Variants in GPC3 observed in about 807,000 individuals in gnomAD.
GPC3 encodes glypican-3.
In GPC3, 3 loss-of-function variants were observed where a neutral mutation model predicts 34.4. The ratio of observed to expected loss-of-function variants is 0.09; its 90% CI spans 0.04 to 0.23. GPC3 has a LOEUF of 0.23. Ranked by LOEUF, GPC3 falls within the 10% of genes least tolerant of loss-of-function variation. The pLI is 1.00. For synonymous variants in GPC3, 177 were observed against 174.0 expected, an observed-to-expected ratio of 1.02 and a Z score of -0.13; for missense variants, 351 against 445.6, an observed-to-expected ratio of 0.79 and a Z score of 1.91.
chrX:133,593,330 C>CAA (rs756083308), intron 7 of GPC3, among the ~76,000 whole-genome samples: 29 of 9,784 alleles, frequency 3.0e-3, no homozygotes, highest in East Asian at 0.011. Flanking sequence ...GAGACTGTCT[C>CAA]AAAAAAAAAA....
chrX:133,891,616 A>C (rs1448048682), intron 2 of GPC3, among the ~76,000 whole-genome samples: 1 of 106,996 alleles, frequency 9.3e-6, no homozygotes, highest in Non-Finnish European at 1.9e-5. Context: ...AAAAGTAAAA[A>C]TAAATAAATA....
intron 5 of GPC3, among the ~76,000 whole-genome samples, chrX:133,673,592 T>C (rs780162075): frequency 8.9e-6 from 1 of 112,373 alleles, no homozygotes; most frequent in Non-Finnish European, 1.9e-5. Context: ...AAGTACATAA[T>C]ACATTTTAGG....
In GPC3 at chrX:133,694,868, C is replaced by T. The variant is rs779393531; in HGVS notation, c.1167-2374G>A. 1.5e-4 allele frequency among the ~76,000 whole-genome samples: 17 copies of T among 110,431 alleles called. 1 individual carries two copies. The highest frequency in any genetic ancestry group is 2.8e-4 in the East Asian group (1 of 3,533). ...ATTTGAAGAAGATCAAGATGAGGTTCGATCTAAATGTCAAGAGCATGAGGG... is the reference window on the plus strand; with the variant it reads ...ATTTGAAGAAGATCAAGATGAGGTTTGATCTAAATGTCAAGAGCATGAGGG... On this transcript the variant is annotated intron_variant, in intron 4 of 7. Coordinates refer to ENST00000370818, the MANE Select transcript of GPC3 (RefSeq NM_004484.4).
At chrX:133,607,595 C>CCAGG (rs2124343864) in intron 6 of GPC3, among the ~76,000 whole-genome samples, 1 of 112,005 alleles carries the variant, frequency 8.9e-6, no homozygotes, top group East Asian at 2.8e-4. Context: ...TTTTTCCAAC[C>CCAGG]TCTGTCCCTT....
At chrX:133,711,393 C>G (rs1281380708) in intron 3 of GPC3, among the ~76,000 whole-genome samples, 1 of 111,657 alleles carries the variant, frequency 9.0e-6, no homozygotes, top group Non-Finnish European at 1.9e-5. Context: ...GCATCAATAC[C>G]ATCTGGGCAC....
At chrX:133,605,172 TGGGG>T (rs112241052) in intron 6 of GPC3, among the ~76,000 whole-genome samples, 1 of 95,982 alleles carries the variant, frequency 1.0e-5, no homozygotes, top group Non-Finnish European at 2.1e-5. Flanking sequence ...ACTTCACACG[TGGGG>T]GGGGGGCAAT....
intron 2 of GPC3, among the ~76,000 whole-genome samples, chrX:133,832,964 TC>T (rs1417518078): frequency 8.9e-6 from 1 of 112,374 alleles, no homozygotes; most frequent in African/African-American, 3.2e-5. Flanking sequence ...ACAAAATCTC[TC>T]CTTGGGGAAA....
At chrX:133,566,001 G>T (rs1166181245) in intron 7 of GPC3, among the ~76,000 whole-genome samples, 2 of 112,448 alleles carry the variant, frequency 1.8e-5, no homozygotes, top group Non-Finnish European at 3.8e-5. Flanking sequence ...CAGTGTTTAT[G>T]TAAAGTTTTT....
intron 3 of GPC3, among the ~76,000 whole-genome samples, chrX:133,722,990 T>A (rs1223875844): frequency 1.8e-5 from 2 of 111,789 alleles, no homozygotes; most frequent in Admixed American, 9.5e-5. Context: ...TCTACAGATG[T>A]TATTTTCACT....
chrX:133,715,616 G>A (rs1439099346), intron 3 of GPC3, among the ~76,000 whole-genome samples: 1 of 97,010 alleles, frequency 1.0e-5, no homozygotes, highest in Non-Finnish European at 2.0e-5. Flanking sequence ...GCTCACCTGT[G>A]CAAAAGCCTT....
chrX:133,634,271 T>C (rs908642357), intron 6 of GPC3, among the ~76,000 whole-genome samples: 1 of 111,744 alleles, frequency 8.9e-6, no homozygotes, highest in African/African-American at 3.3e-5. Flanking sequence ...AGTTTAGCAG[T>C]TTCTGAAAAA....
At chrX:133,808,904 T>C (rs977386226) in intron 2 of GPC3, among the ~76,000 whole-genome samples, 1 of 112,291 alleles carries the variant, frequency 8.9e-6, no homozygotes, top group African/African-American at 3.2e-5. Context: ...GCTTTAGGTA[T>C]TCTCAAATAC....
intron 3 of GPC3, among the ~76,000 whole-genome samples, chrX:133,706,736 C>G (rs888505340): frequency 8.9e-6 from 1 of 111,863 alleles, no homozygotes; most frequent in Admixed American, 9.5e-5. Context: ...GAGAGGGGAA[C>G]ATTTACACAC....
intron 3 of GPC3, among the ~76,000 whole-genome samples, chrX:133,728,412 G>A: frequency 8.9e-6 from 1 of 111,880 alleles, no homozygotes. Flanking sequence ...TGAAGGAGGA[G>A]AATTTAGATA....
intron 7 of GPC3, among the ~76,000 whole-genome samples, chrX:133,546,054 A>G (rs2069383544): frequency 8.9e-6 from 1 of 111,996 alleles, no homozygotes; most frequent in African/African-American, 3.2e-5. Flanking sequence ...GACTTTAACT[A>G]CTTCTAATAT....
At chrX:133,721,364 A>G (rs2071364881) in intron 3 of GPC3, among the ~76,000 whole-genome samples, 1 of 110,724 alleles carries the variant, frequency 9.0e-6, no homozygotes, top group African/African-American at 3.3e-5. Flanking sequence ...AAAAAAAAAA[A>G]TGATCATAAG....
intron 5 of GPC3, among the ~76,000 whole-genome samples, chrX:133,679,098 C>G (rs1789712153): frequency 8.9e-6 from 1 of 112,141 alleles, no homozygotes; most frequent in African/African-American, 3.2e-5. Context: ...GCACCACGGG[C>G]TGACTTGTTT....
At chrX:133,759,804 T>TG (rs1488598451) in intron 2 of GPC3, among the ~76,000 whole-genome samples, 6 of 111,457 alleles carry the variant, frequency 5.4e-5, no homozygotes, top group Admixed American at 2.9e-4. Flanking sequence ...CATTCTGCAA[T>TG]GTTAAGAGAA....
chrX:133,597,139 T>A (rs114037875), intron 6 of GPC3, among the ~76,000 whole-genome samples: 7,011 of 112,082 alleles, frequency 0.063, 572 homozygotes, highest in African/African-American at 0.21. Flanking sequence ...AAATTGTTCA[T>A]TATTCTCCTC....
Sources: allele counts gnomAD v4.1 joint callset (sites outside exome capture counted in the v4.1 genomes callset), GRCh38; gene constraint gnomAD v4.1.1; transcripts MANE v1.5; gene names NCBI Gene and HGNC (gene_info 2026-07-23, HGNC 2026-07-21).